Variants in SEC13 observed in about 807,000 individuals in gnomAD.
The protein encoded by SEC13 is SEC13 homolog, nuclear pore and COPII component, also known as protein SEC13 homolog.
A neutral mutation model predicts 49.2 loss-of-function variants in SEC13; 25 were observed. That is an observed-to-expected ratio of 0.51 (90% CI 0.37 to 0.71). The LOEUF (loss-of-function observed/expected upper bound fraction) is 0.71, where lower values mean the gene tolerates loss of function less well. Among genes scored for constraint, SEC13 ranks in the 30% least tolerant of loss-of-function variants. The pLI is 0.00. For missense variants in SEC13, 383 were observed against 417.6 expected (o/e 0.92, Z 0.72); for synonymous variants, 148 against 163.9 (o/e 0.90, Z 0.74).
chr3:10,301,052 C>G lies in SEC13; in HGVS notation c.*209G>C, dbSNP rs1027033457. On this transcript the variant is annotated 3_prime_UTR_variant, in exon 9 of 9. Transcript: ENST00000350697. ...TGAACATCACTTGTAGTTTCTTCCT[C>G]GTAACATGAGTGCTTTCAGCTGGAC... The G allele has an allele frequency of 2.5e-6, 4 of 1,602,348 alleles. No homozygotes were observed. Among genetic ancestry groups the G allele is most frequent in the Non-Finnish European group, 3.4e-6 (4 of 1,173,712 alleles).
Position 10,305,259 on chromosome 3 carries a change from T to C in SEC13, c.585-103A>G. On this transcript the variant is annotated intron_variant, in intron 6 of 8. Transcript: ENST00000350697. Reference sequence around the variant, plus strand: ...CCTGGGGTGGAGAAGCGATTCCATCTTTCTTCTTTCATTCATGGAGTTTGT... The same window carrying C: ...CCTGGGGTGGAGAAGCGATTCCATCCTTCTTCTTTCATTCATGGAGTTTGT... The C allele has an allele frequency of 3.4e-6, 5 of 1,449,514 alleles. No homozygotes were observed. In the East Asian group the frequency reaches 1.2e-4, roughly 35 times the overall value. The allele number at this position is 1,449,514 out of a possible 1,614,324, so 89.8% of individuals were successfully genotyped here.
rs114630432 is a variant in SEC13, at chr3:10,318,175, G to C, written c.4-81C>G. The C allele has an allele frequency of 1.0e-4, 94 of 917,072 alleles. 1 individual carries two copies. In the African/African-American group the frequency reaches 1.4e-3, roughly 14 times the overall value. The allele number at this position is 917,072 out of a possible 1,614,324, so 56.8% of individuals were successfully genotyped here. ...CTCAAGTTCTTGACTGCATTTGTTT[G>C]TTCACTCACTCATTCATTCATTCAT... On this transcript the variant is annotated intron_variant, in intron 1 of 8. Coordinates refer to ENST00000350697, the MANE Select transcript of SEC13 (RefSeq NM_183352.3).
intron 3 of SEC13, chr3:10,313,532 T>C (rs1701417437): frequency 2.2e-6 from 1 of 452,050 alleles, no homozygotes; most frequent in South Asian, 1.6e-5. Context: ...CCATTAGCTA[T>C]TAGTGCTGCT....
Position 10,300,977 on chromosome 3 carries a change from C to A in SEC13, c.*284G>T. 1 of 1,139,530 alleles carries A rather than the reference C, an allele frequency of 8.8e-7. No homozygotes were observed. The highest frequency in any genetic ancestry group is 2.6e-5 in the East Asian group (1 of 38,814). The allele number at this position is 1,139,530 out of a possible 1,614,324, so 70.6% of individuals were successfully genotyped here. ...TTAGTTCCTTTGGAAACAAAACCCC[C>A]CAAATAATGCCTGAACCCAAAGGTA... On this transcript the variant is annotated 3_prime_UTR_variant, in exon 9 of 9. Transcript: ENST00000350697.
chr3:10,312,502 G>C, intron 4 of SEC13, 77 bp downstream of exon 4: 1 of 1,536,602 alleles, frequency 6.5e-7, no homozygotes, highest in East Asian at 2.3e-5. Flanking sequence ...GGGGCAGGGA[G>C]CCAGGGCTCC....
At chr3:10,315,287 C>A (rs1268268416) in intron 3 of SEC13, 34 bp downstream of exon 3, 2 of 1,495,444 alleles carry the variant, frequency 1.3e-6, no homozygotes, top group Non-Finnish European at 9.3e-7. Context: ...CCACACCATT[C>A]CTGGAGCCCT....
At position 10,312,642 on chromosome 3, in the gene SEC13, T is replaced by A; in HGVS notation, c.253A>T (p.Ile85Phe). 3.1e-6 allele frequency: 5 copies of A among 1,614,184 alleles called. No homozygotes were observed. Among genetic ancestry groups the A allele is most frequent in the Non-Finnish European group, 4.2e-6 (5 of 1,180,032 alleles). The change falls in exon 4 of 9, where the codon ATC becomes TTC. Residue 85 changes from isoleucine (I) to phenylalanine (F), a missense_variant. By Grantham distance (21) the Ile-to-Phe change is conservative (BLOSUM62 0). Transcript: ENST00000350697. Reference sequence around the variant, plus strand: ...CAGGTGCCGTTTTCCTCTCTCCAGATAATGACTTTCCGGTCATAGGAGCAC... The same window carrying A: ...CAGGTGCCGTTTTCCTCTCTCCAGAAAATGACTTTCCGGTCATAGGAGCAC... The part of the protein sequence containing the change: ...ASCSYDRKVI[I>F]WREENGTWEK...
At chr3:10,305,880 T>C in intron 5 of SEC13, 188 bp from the exon 6 acceptor site, 1 of 520,516 alleles carries the variant, frequency 1.9e-6, no homozygotes. Context: ...TGTGCATTTT[T>C]CTGCAGTGTG....
chr3:10,319,263 A>G (rs1158225451), intron 1 of SEC13: 2 of 1,610,320 alleles, frequency 1.2e-6, no homozygotes, highest in Middle Eastern at 1.7e-4. Context: ...ACACCAAGTA[A>G]GCACAGGTTC....
chr3:10,311,620 TTAA>T (rs1231260400), intron 5 of SEC13: 2 of 1,097,426 alleles, frequency 1.8e-6, no homozygotes, highest in African/African-American at 3.3e-5. Flanking sequence ...CACATACTTT[TTAA>T]AAGTTTTAAT....
chr3:10,318,548 T>C (rs1478395757), intron 1 of SEC13, among the ~76,000 whole-genome samples: 1 of 151,844 alleles, frequency 6.6e-6, no homozygotes, highest in East Asian at 1.9e-4. Context: ...ACCCTTAAGG[T>C]TGAGGAGAGA....
At chr3:10,318,388 C>T (rs182871812) in intron 1 of SEC13, among the ~76,000 whole-genome samples, 54 of 151,718 alleles carry the variant, frequency 3.6e-4, no homozygotes, top group African/African-American at 1.2e-3. Flanking sequence ...GTGGTAGACA[C>T]GAATTGAGCC....
intron 8 of SEC13, among the ~76,000 whole-genome samples, chr3:10,302,659 T>C (rs1223284609): frequency 6.6e-6 from 1 of 152,186 alleles, no homozygotes; most frequent in Non-Finnish European, 1.5e-5. Flanking sequence ...TGCTAGATCT[T>C]TCTGGGACCA....
At position 10,301,082 on chromosome 3, in the gene SEC13, G is replaced by A; in HGVS notation, c.*179C>T. 6.2e-7 allele frequency: 1 copy of A among 1,611,878 alleles called. No individual in the cohort carries two copies. Among genetic ancestry groups the A allele is most frequent in the South Asian group, 1.1e-5 (1 of 90,946 alleles). ...CATGAGTGCTTTCAGCTGGACAGTAGATTACAAAGCATCTCCGATCACGTT... is the reference window on the plus strand; with the variant it reads ...CATGAGTGCTTTCAGCTGGACAGTAAATTACAAAGCATCTCCGATCACGTT... On this transcript the variant is annotated 3_prime_UTR_variant, in exon 9 of 9. Coordinates refer to ENST00000350697, the MANE Select transcript of SEC13 (RefSeq NM_183352.3).
intron 5 of SEC13, among the ~76,000 whole-genome samples, chr3:10,306,467 C>T (rs1310015584): frequency 1.3e-5 from 2 of 152,156 alleles, no homozygotes; most frequent in Non-Finnish European, 2.9e-5. Flanking sequence ...TAACTCAGGC[C>T]TCTCTTAATT....
intron 4 of SEC13, 128 bp downstream of exon 4, chr3:10,312,451 A>G (rs1701334233): frequency 1.8e-5 from 21 of 1,188,924 alleles, no homozygotes; most frequent in Non-Finnish European, 2.5e-5. Flanking sequence ...AGTAGCAGAA[A>G]AGCCAACCAA....
chr3:10,313,608 C>A (rs1370069817), intron 3 of SEC13: 10 of 262,982 alleles, frequency 3.8e-5, no homozygotes, highest in African/African-American at 2.2e-4. Flanking sequence ...GCTGGGACAA[C>A]AGGACATTCC....
In SEC13 at chr3:10,301,335, A is replaced by C. The variant is rs750802830; in HGVS notation, c.895T>G (p.Cys299Gly). 5.0e-6 allele frequency: 8 copies of C among 1,614,028 alleles called. No homozygotes were observed. The highest frequency in any genetic ancestry group is 1.3e-5 in the African/African-American group (1 of 74,904). The change falls in exon 9 of 9, where the codon TGC (cysteine) becomes GGC (glycine). Residue 299 changes from cysteine (C) to glycine (G), a missense_variant. Physicochemically the swap from Cys to Gly is radical, Grantham distance 159. Coordinates refer to ENST00000350697, the MANE Select transcript of SEC13 (RefSeq NM_183352.3). ...WKESVDGQWV[C>G]ISDVNKGQGS... ...TGGCCCTTGTTGACATCACTGATGCACACCCACTGCCCATCAACTGACTCC... is the reference window on the plus strand; with the variant it reads ...TGGCCCTTGTTGACATCACTGATGCCCACCCACTGCCCATCAACTGACTCC...
In SEC13 at chr3:10,313,087, T is replaced by C. The variant is rs191941981; in HGVS notation, c.165-357A>G. 93 of 248,830 alleles carry C rather than the reference T, an allele frequency of 3.7e-4. 1 individual carries two copies. The East Asian group carries it at 6.5e-3, about 17-fold the overall frequency. 15.4% of individuals were successfully genotyped at this position (248,830 alleles called of 1,614,324 possible). A position where few individuals can be genotyped will look rare whatever the true frequency, so the allele number is the denominator to read the frequency against. On this transcript the variant is annotated intron_variant, in intron 3 of 8. Transcript: ENST00000350697. Reference sequence around the variant, plus strand: ...GGTCCAAGGTTTCCAGCCAGAAGTGTTCAGGAAATATTTGTAGACTGAATT... The same window carrying C: ...GGTCCAAGGTTTCCAGCCAGAAGTGCTCAGGAAATATTTGTAGACTGAATT...
Sources: allele counts gnomAD v4.1 joint callset (sites outside exome capture counted in the v4.1 genomes callset), GRCh38; gene constraint gnomAD v4.1.1; transcripts MANE v1.5; gene names NCBI Gene and HGNC (gene_info 2026-07-23, HGNC 2026-07-21).